CELSR1: variants seen among roughly 807,000 people sequenced by gnomAD.
CELSR1 encodes cadherin EGF LAG seven-pass G-type receptor 1, also known as adhesion G protein-coupled receptor C1.
In CELSR1, 110 loss-of-function variants were observed where a neutral mutation model predicts 249.1. The ratio of observed to expected loss-of-function variants is 0.44; its 90% CI spans 0.38 to 0.52. The LOEUF (loss-of-function observed/expected upper bound fraction) is 0.52, where lower values mean the gene tolerates loss of function less well. CELSR1 is among the 20% of genes least tolerant of loss of function. CELSR1 has a pLI of 0.00. For synonymous variants in CELSR1, 2,113 were observed against 1,900.0 expected, an observed-to-expected ratio of 1.11 and a Z score of -2.92; for missense variants, 4,109 against 4,296.4, an observed-to-expected ratio of 0.96 and a Z score of 1.22.
intron 19 of CELSR1, 69 bp downstream of exon 19, chr22:46,386,333 G>T: frequency 7.0e-7 from 1 of 1,424,068 alleles, no homozygotes; most frequent in South Asian, 1.5e-5. Context: ...TTCACCCCAT[G>T]GGGGCCTAGC....
At chr22:46,477,869 C>A (rs368309813) in intron 1 of CELSR1, among the ~76,000 whole-genome samples, 4 of 152,108 alleles carry the variant, frequency 2.6e-5, no homozygotes, top group African/African-American at 9.7e-5. Flanking sequence ...AGGACAGGTA[C>A]CCCATGGCAG....
intron 9 of CELSR1, among the ~76,000 whole-genome samples, chr22:46,405,817 G>A (rs909068083): frequency 7.2e-5 from 11 of 152,146 alleles, no homozygotes; most frequent in African/African-American, 2.4e-4. Flanking sequence ...GCTGCTTTAC[G>A]GAGCTCACAG....
rs1023994185 is a variant in CELSR1, at chr22:46,363,480, G to C, written c.9036-233C>G. 2.0e-5 allele frequency: 10 copies of C among 489,352 alleles called. No individual in the cohort carries two copies. The highest frequency in any genetic ancestry group is 1.6e-4 in the African/African-American group (8 of 51,458). 30.3% of individuals were successfully genotyped at this position (489,352 alleles called of 1,614,324 possible). A position where few individuals can be genotyped will look rare whatever the true frequency, so the allele number is the denominator to read the frequency against. On this transcript the variant is annotated intron_variant, in intron 34 of 34. Transcript: ENST00000674500. The surrounding 1 kb of genome is among the most constrained non-coding windows in gnomAD (Gnocchi z 4.3). Reference sequence around the variant, plus strand: ...TTGCTGGTCTTTCAGAAGAGCGCAAGGAATCCACGTTAGAAACCGGCCATC... The same window carrying C: ...TTGCTGGTCTTTCAGAAGAGCGCAACGAATCCACGTTAGAAACCGGCCATC...
intron 5 of CELSR1, among the ~76,000 whole-genome samples, chr22:46,422,780 A>AAAAAAG (rs1337523194): frequency 6.7e-6 from 1 of 148,576 alleles, no homozygotes; most frequent in African/African-American, 2.6e-5. Context: ...AAAAAAAAAA[A>AAAAAAG]TGGCTCATAG....
intron 2 of CELSR1, among the ~76,000 whole-genome samples, chr22:46,443,221 A>G (rs1301524929): frequency 1.3e-5 from 2 of 152,238 alleles, no homozygotes; most frequent in African/African-American, 2.4e-5. Flanking sequence ...TTTCATGAGC[A>G]TGCACGGCCT....
At position 46,468,842 on chromosome 22, in the gene CELSR1, G is replaced by A. The variant is rs138805949; in HGVS notation, c.3545-4497C>T. ...TGAAATCCCAGCACTTTGGGAGGCCGAGGCGGCAGATCACCTGAGGTCAGG... is the reference window on the plus strand; with the variant it reads ...TGAAATCCCAGCACTTTGGGAGGCCAAGGCGGCAGATCACCTGAGGTCAGG... On this transcript the variant is annotated intron_variant, in intron 1 of 34. Coordinates refer to ENST00000674500, the MANE Select transcript of CELSR1 (RefSeq NM_001378328.1). This position sits in a 1 kb window ranked among gnomAD's most constrained non-coding sequence, Gnocchi z 4.5. Among the ~76,000 whole-genome samples the A allele has an allele frequency of 9.4e-3, 1,434 of 152,238 alleles. 26 individuals carry two copies. Among genetic ancestry groups the A allele is most frequent in the African/African-American group, 0.033 (1,372 of 41,554 alleles).
At position 46,536,852 on chromosome 22, in the gene CELSR1, C is replaced by G. The variant is rs1332299359; in HGVS notation, c.319G>C (p.Ala107Pro). 3 of 1,232,864 alleles carry G rather than the reference C, an allele frequency of 2.4e-6. No individual in the cohort carries two copies. The African/African-American group carries it at 4.8e-5, about 20-fold the overall frequency. The allele number at this position is 1,232,864 out of a possible 1,614,324, so 76.4% of individuals were successfully genotyped here. ...CCGCAGCCGGGAAGGTGCGTGCGCGCCCGCAGGCGGCGGCTCAGCGCCGTC... is the reference window on the plus strand; with the variant it reads ...CCGCAGCCGGGAAGGTGCGTGCGCGGCCGCAGGCGGCGGCTCAGCGCCGTC... ...APTALSRRLRARTHLPGCGAR... is the reference protein window; with the variant it reads ...APTALSRRLRPRTHLPGCGAR... The change falls in exon 1 of 35, where the codon GCG (alanine) becomes CCG (proline). Residue 107 changes from alanine (A) to proline (P), a missense_variant. Transcript: ENST00000674500.
At chr22:46,376,653 C>A (rs1478378919) in intron 24 of CELSR1, among the ~76,000 whole-genome samples, 2 of 152,122 alleles carry the variant, frequency 1.3e-5, no homozygotes, top group Admixed American at 6.6e-5. Context: ...TGGGATTACA[C>A]GCATGAGCCA....
At chr22:46,474,081 C>G (rs1427346253) in intron 1 of CELSR1, among the ~76,000 whole-genome samples, 1 of 152,178 alleles carries the variant, frequency 6.6e-6, no homozygotes, top group Non-Finnish European at 1.5e-5. Context: ...ACGAGCGTCT[C>G]CAGCAAGCCG....
At chr22:46,494,827 T>C (rs978305077) in intron 1 of CELSR1, among the ~76,000 whole-genome samples, 3 of 152,160 alleles carry the variant, frequency 2.0e-5, no homozygotes, top group African/African-American at 7.2e-5. Flanking sequence ...CTGAGTAACA[T>C]TTTATAGTGT....
chr22:46,526,341 G>T lies in CELSR1; in HGVS notation c.3544+7286C>A, dbSNP rs1408033072. 6.6e-6 allele frequency among the ~76,000 whole-genome samples: 1 copy of T among 152,200 alleles called. No individual in the cohort carries two copies. Among genetic ancestry groups the T allele is most frequent in the Non-Finnish European group, 1.5e-5 (1 of 68,028 alleles). ...AGACGGGCCAGTGCCACGCTAGGCT[G>T]CAGGACAGCTAGGTGCTGTGCGTAA... On this transcript the variant is annotated intron_variant, in intron 1 of 34. Coordinates refer to ENST00000674500, the MANE Select transcript of CELSR1 (RefSeq NM_001378328.1). This position sits in a 1 kb window ranked among gnomAD's most constrained non-coding sequence, Gnocchi z 4.7.
At chr22:46,474,481 G>A (rs1255255253) in intron 1 of CELSR1, among the ~76,000 whole-genome samples, 3 of 152,018 alleles carry the variant, frequency 2.0e-5, no homozygotes, top group Admixed American at 6.6e-5. Context: ...CCCAGTGTCT[G>A]GTCCCGATGC....
rs1274295035 is a variant in CELSR1, at chr22:46,409,893, A to G, written c.4934-13T>C. ...CGAGCAGCGCAGCCTGGCAACACAG[A>G]GCGTGCGGCAGAGCCTGACTCGGAG... On this transcript the variant is annotated splice_polypyrimidine_tract_variant and intron_variant, in intron 7 of 34. Transcript: ENST00000674500. This position sits in a 1 kb window ranked among gnomAD's most constrained non-coding sequence, Gnocchi z 9.8. 1 of 1,610,956 alleles carries G rather than the reference A, an allele frequency of 6.2e-7. No homozygotes were observed. Among genetic ancestry groups the G allele is most frequent in the Non-Finnish European group, 8.5e-7 (1 of 1,179,784 alleles).
intron 25 of CELSR1, among the ~76,000 whole-genome samples, chr22:46,371,872 T>C (rs904488023): frequency 2.7e-4 from 37 of 135,394 alleles, no homozygotes; most frequent in Admixed American, 5.0e-4. Context: ...ATCCAATCCA[T>C]CCATCCATCC....
At position 46,409,255 on chromosome 22, in the gene CELSR1, G is replaced by A. The variant is rs1370188028; in HGVS notation, c.5060-93C>T. ...GGCGGGGGATGGGCCTGCAGGCTAG[G>A]CCTGGGCCTTTTTCACTTTAACACG... On this transcript the variant is annotated intron_variant, in intron 8 of 34. Coordinates refer to ENST00000674500, the MANE Select transcript of CELSR1 (RefSeq NM_001378328.1). This position sits in a 1 kb window ranked among gnomAD's most constrained non-coding sequence, Gnocchi z 9.8. 5.1e-6 allele frequency: 7 copies of A among 1,360,940 alleles called. No individual in the cohort carries two copies. The highest frequency in any genetic ancestry group is 7.1e-6 in the Non-Finnish European group (7 of 991,618). The allele number at this position is 1,360,940 out of a possible 1,614,324, so 84.3% of individuals were successfully genotyped here. A position where few individuals can be genotyped will look rare whatever the true frequency, so the allele number is the denominator to read the frequency against.
rs13057348 is a variant in CELSR1, at chr22:46,363,705, T to C, written c.9035+291A>G. On this transcript the variant is annotated intron_variant, in intron 34 of 34. Transcript: ENST00000674500. This position sits in a 1 kb window ranked among gnomAD's most constrained non-coding sequence, Gnocchi z 4.3. ...TGGTCCCAGGCGGAGACAATGCTGA[T>C]CAAACGCAGAGCCCAGCACCTTAGG... The C allele has an allele frequency of 2.6e-5, 12 of 466,534 alleles. No individual in the cohort carries two copies. The highest frequency in any genetic ancestry group is 4.2e-5 in the Non-Finnish European group (11 of 263,840). 28.9% of individuals were successfully genotyped at this position (466,534 alleles called of 1,614,324 possible).
intron 1 of CELSR1, among the ~76,000 whole-genome samples, chr22:46,513,080 A>G (rs1205307158): frequency 6.6e-6 from 1 of 152,132 alleles, no homozygotes; most frequent in Non-Finnish European, 1.5e-5. Flanking sequence ...CCAGTGAGTG[A>G]CTTCTGGGGC....
intron 25 of CELSR1, chr22:46,370,035 G>A (rs1455471063): frequency 1.6e-6 from 1 of 622,282 alleles, no homozygotes; most frequent in Admixed American, 2.1e-5. Context: ...TTGGCCCCAT[G>A]AGGCAGGGGG....
rs2079501730 is a variant in CELSR1, at chr22:46,423,484, AAT to A, written c.4611+9907_4611+9908del. 1.3e-5 allele frequency among the ~76,000 whole-genome samples: 2 copies of A among 151,834 alleles called. No homozygotes were observed. Among genetic ancestry groups the A allele is most frequent in the Non-Finnish European group, 2.9e-5 (2 of 67,980 alleles). Reference sequence around the variant, plus strand: ...GCCGGGCGTGGTGGTGCAGGCCTGTAATCCCACCTACTCGGGAGGCTGAGGCA... The same window carrying A: ...GCCGGGCGTGGTGGTGCAGGCCTGTACCCACCTACTCGGGAGGCTGAGGCA... On this transcript the variant is annotated intron_variant, in intron 5 of 34. Transcript: ENST00000674500. This position sits in a 1 kb window ranked among gnomAD's most constrained non-coding sequence, Gnocchi z 5.6.
Sources: gnomAD v4.1 joint callset for allele counts (sites outside exome capture counted in the v4.1 genomes callset) on GRCh38, gnomAD v4.1.1 for gene constraint, Gnocchi (gnomAD v3.1) non-coding constraint, MANE v1.5 for transcripts, NCBI Gene and HGNC (gene_info 2026-07-23, HGNC 2026-07-21) for gene names.